GLI3: variants seen among roughly 807,000 people sequenced by gnomAD.
GLI3 encodes the protein GLI family zinc finger 3, also known as transcription activator GLI3.
Under a neutral mutation model 100.8 loss-of-function variants are expected in GLI3, and 20 were observed. That is an observed-to-expected ratio of 0.20 (90% confidence interval 0.14 to 0.29). The LOEUF (loss-of-function observed/expected upper bound fraction) is 0.29, where lower values mean the gene tolerates loss of function less well. Among genes scored for constraint, GLI3 ranks in the 10% least tolerant of loss-of-function variants. The pLI, the probability that GLI3 is intolerant of heterozygous loss-of-function variation, is 1.00. For missense variants in GLI3, 2,040 were observed against 2,128.5 expected (o/e 0.96, Z 0.82); for synonymous variants, 938 against 860.5 (o/e 1.09, Z -1.58).
intron 10 of GLI3, among the ~76,000 whole-genome samples, chr7:42,009,304 G>T (rs1788543206): frequency 6.6e-6 from 1 of 152,028 alleles, no homozygotes; most frequent in Admixed American, 6.6e-5. Context: ...AACCCAGAGG[G>T]TATCAATGAT....
At chr7:42,046,967 G>A (rs1004306601) in intron 5 of GLI3, among the ~76,000 whole-genome samples, 2 of 152,096 alleles carry the variant, frequency 1.3e-5, no homozygotes, top group African/African-American at 2.4e-5. Flanking sequence ...ACCAGCATGG[G>A]CAACATGGCG....
intron 3 of GLI3, among the ~76,000 whole-genome samples, chr7:42,118,493 G>T (rs1217236362): frequency 6.6e-6 from 1 of 152,218 alleles, no homozygotes; most frequent in Non-Finnish European, 1.5e-5. Context: ...CCAATTTTCA[G>T]TGTTTTTCTT....
At chr7:42,216,213 T>G (rs1399206402) in intron 2 of GLI3, among the ~76,000 whole-genome samples, 1 of 152,166 alleles carries the variant, frequency 6.6e-6, no homozygotes, top group Non-Finnish European at 1.5e-5. Context: ...AATTTGCAGG[T>G]TTATTCAGTA....
intron 1 of GLI3, among the ~76,000 whole-genome samples, chr7:42,261,237 G>C (rs10257206): frequency 0.36 from 54,948 of 151,104 alleles, 10,536 homozygotes; most frequent in East Asian, 0.45. Flanking sequence ...CACACACAGA[G>C]AGAGATTATG....
chr7:42,025,345 G>A lies in GLI3; in HGVS notation c.1275C>T (p.Ser425=), dbSNP rs1263705513. The change falls in exon 9 of 15, where the codon AGC becomes AGT. Residue 425 remains serine (S), a synonymous_variant. Transcript: ENST00000395925. ...TCTTGTTGTGCATCGGGTCACCAGT[G>A]CTGCTCACTGCAGACTCACTCGTGG... ...NKPTSESAVS[S]TGDPMHNKRS... 2 of 1,613,930 alleles carry A rather than the reference G, an allele frequency of 1.2e-6. No individual in the cohort carries two copies. Among genetic ancestry groups the A allele is most frequent in the African/African-American group, 2.7e-5 (2 of 74,920 alleles).
At position 42,223,167 on chromosome 7, in the gene GLI3, C is replaced by A; in HGVS notation, c.87G>T (p.Val29=). ...SIVKCSTRTD[V]SEKAVASSTT... ...TGCTGGAGGCAACGGCTTTCTCGCT[C>A]ACATCTGTTCGAGTGGAGCACTTCA... is the stretch of plus-strand genomic sequence containing the variant. Residue 29 remains valine (V), a synonymous_variant, in exon 2 of 15, where the codon GTG becomes GTT. Transcript: ENST00000395925. 6.2e-7 allele frequency: 1 copy of A among 1,614,080 alleles called. No individual in the cohort carries two copies. Among genetic ancestry groups the A allele is most frequent in the Non-Finnish European group, 8.5e-7 (1 of 1,179,998 alleles).
rs543010531 is a variant in GLI3, at chr7:41,993,558, G to A, written c.1498-14810C>T. Among the ~76,000 whole-genome samples the A allele has an allele frequency of 9.7e-4, 148 of 152,084 alleles. 2 individuals carry two copies. The highest frequency in any genetic ancestry group is 9.7e-4 in the Non-Finnish European group (66 of 68,008). ...TTGTTTAATATTTATTGTCTGCTCC[G>A]CCCACCAGAATGTGAATTCCACACA... is the stretch of plus-strand genomic sequence containing the variant. On this transcript the variant is annotated intron_variant, in intron 10 of 14. Transcript: ENST00000395925.
intron 2 of GLI3, among the ~76,000 whole-genome samples, chr7:42,165,291 T>C (rs1787219447): frequency 6.6e-6 from 1 of 152,098 alleles, no homozygotes; most frequent in Non-Finnish European, 1.5e-5. Flanking sequence ...ATCCCTACTA[T>C]AGAAACCACA....
intron 2 of GLI3, among the ~76,000 whole-genome samples, chr7:42,220,002 C>T (rs1472479687): frequency 6.6e-6 from 1 of 151,930 alleles, no homozygotes; most frequent in Non-Finnish European, 1.5e-5. Flanking sequence ...TACAGGCACC[C>T]GCCACACGCC....
rs781010668 is a variant in GLI3 at position 41,965,446 on chromosome 7, A to C, written c.3627T>G (p.Pro1209=). The C allele has an allele frequency of 1.9e-6, 3 of 1,608,076 alleles. No homozygotes were observed. The East Asian group carries it at 6.7e-5, about 36-fold the overall frequency. The change falls in exon 15 of 15, where the codon CCT becomes CCG. Residue 1209 remains proline, a synonymous_variant. Coordinates refer to ENST00000395925, the MANE Select transcript of GLI3 (RefSeq NM_000168.6). ...CCCCGAGGGTCTGATAGCCCCCAGC[A>C]GGCCCGCTCCTCAAGGGGTTCTGCG... ...VHPQNPLRSG[P]AGGYQTLGEN...
chr7:41,975,095 G>A (rs977368632), intron 12 of GLI3, among the ~76,000 whole-genome samples: 2 of 152,130 alleles, frequency 1.3e-5, no homozygotes, highest in African/African-American at 2.4e-5. Context: ...CTTGTTTAGC[G>A]GTATCTTTGG....
At chr7:42,119,305 A>T (rs1785936825) in intron 3 of GLI3, among the ~76,000 whole-genome samples, 1 of 152,172 alleles carries the variant, frequency 6.6e-6, no homozygotes, top group Non-Finnish European at 1.5e-5. Context: ...TTTTTGAATC[A>T]CGTGGGGAAT....
chr7:42,037,008 G>C (rs1265001455), intron 7 of GLI3, among the ~76,000 whole-genome samples: 3 of 152,170 alleles, frequency 2.0e-5, no homozygotes, highest in Non-Finnish European at 2.9e-5. Flanking sequence ...TGGGCACAGT[G>C]GTGGGCCACT....
rs1787088871 is a variant in GLI3 at position 41,964,117 on chromosome 7, C to A, written c.*213G>T. The A allele has an allele frequency of 5.5e-5, 23 of 419,882 alleles. No homozygotes were observed. The highest frequency in any genetic ancestry group is 7.4e-5 in the Non-Finnish European group (17 of 231,002). The allele number at this position is 419,882 out of a possible 1,614,324, so 26.0% of individuals were successfully genotyped here. ...TGGTTTGAGTGTAACAATACTGATT[C>A]AAAACTGAAATGGAAGACAGTTTCT... On this transcript the variant is annotated 3_prime_UTR_variant, in exon 15 of 15. Transcript: ENST00000395925.
Position 42,048,685 on chromosome 7 carries a change from A to G in GLI3, c.485T>C (p.Leu162Ser). ...PIPPLHMTSA[L>S]SSSPTYPDLP... ...GTCCGGATACGTAGGGCTACTAGATAAGGCGGAAGTCCTGGGTACAAAGAA... is the reference window on the plus strand; with the variant it reads ...GTCCGGATACGTAGGGCTACTAGATGAGGCGGAAGTCCTGGGTACAAAGAA... The change falls in exon 5 of 15, where the codon TTA (leucine) becomes TCA (serine). Residue 162 changes from leucine to serine, a missense_variant. This residue lies in a region of GLI3 where 603 missense variants were observed against 690.9 expected (regional missense o/e 0.87). Transcript: ENST00000395925. 1 of 1,609,310 alleles carries G rather than the reference A, an allele frequency of 6.2e-7. No individual in the cohort carries two copies. Among genetic ancestry groups the G allele is most frequent in the Non-Finnish European group, 8.5e-7 (1 of 1,178,198 alleles).
chr7:42,203,004 G>T (rs566898290), intron 2 of GLI3, among the ~76,000 whole-genome samples: 1 of 152,298 alleles, frequency 6.6e-6, no homozygotes, highest in Admixed American at 6.5e-5. Context: ...ACCATGGGAG[G>T]CATGAACATT....
intron 10 of GLI3, among the ~76,000 whole-genome samples, chr7:42,018,315 A>G (rs1158429829): frequency 6.6e-6 from 1 of 152,202 alleles, no homozygotes; most frequent in Non-Finnish European, 1.5e-5. Flanking sequence ...ATGTAGGGAA[A>G]ATAAGATCAA....
intron 10 of GLI3, among the ~76,000 whole-genome samples, chr7:42,019,489 G>A (rs1308232066): frequency 6.6e-6 from 1 of 152,194 alleles, no homozygotes; most frequent in Non-Finnish European, 1.5e-5. Flanking sequence ...AAGTTGGGCT[G>A]AGCTGTTTTA....
At chr7:42,088,835 C>A (rs1449127822) in intron 3 of GLI3, among the ~76,000 whole-genome samples, 3 of 152,202 alleles carry the variant, frequency 2.0e-5, no homozygotes, top group Non-Finnish European at 4.4e-5. Flanking sequence ...GAGCCTAGGC[C>A]ACTGGCTGTC....
Sources: allele counts gnomAD v4.1 joint callset (sites outside exome capture counted in the v4.1 genomes callset), GRCh38; gene constraint gnomAD v4.1.1; regional missense constraint gnomAD v4.1.1; transcripts MANE v1.5; gene names NCBI Gene and HGNC (gene_info 2026-07-23, HGNC 2026-07-21).